Variants in IL1RAPL2 observed in about 807,000 individuals in gnomAD.
IL1RAPL2 encodes the protein interleukin 1 receptor accessory protein like 2.
Under a neutral mutation model 44.1 loss-of-function variants are expected in IL1RAPL2, and 3 were observed. That is an observed-to-expected ratio of 0.07 (90% CI 0.03 to 0.18). The LOEUF is 0.18. Among genes scored for constraint, IL1RAPL2 ranks in the 10% least tolerant of loss-of-function variants. The pLI, the probability that IL1RAPL2 is intolerant of heterozygous loss-of-function variation, is 1.00. For synonymous variants in IL1RAPL2, 181 were observed against 178.8 expected, an observed-to-expected ratio of 1.01 and a Z score of -0.10; for missense variants, 391 against 496.4, an observed-to-expected ratio of 0.79 and a Z score of 2.02.
chrX:104,567,749 A>G (rs1375407195), intron 1 of IL1RAPL2, among the ~76,000 whole-genome samples: 2 of 112,354 alleles, frequency 1.8e-5, no homozygotes, highest in Non-Finnish European at 3.8e-5. Flanking sequence ...AAGGAAAACT[A>G]GAGTGGGAGA....
intron 1 of IL1RAPL2, among the ~76,000 whole-genome samples, chrX:104,641,126 G>T (rs1460352780): frequency 3.6e-5 from 4 of 112,098 alleles, no homozygotes; most frequent in African/African-American, 9.7e-5. Flanking sequence ...GATGTTGGTA[G>T]TGGCTGTGGT....
At chrX:105,095,638 A>G (rs2032595663) in intron 2 of IL1RAPL2, among the ~76,000 whole-genome samples, 1 of 111,946 alleles carries the variant, frequency 8.9e-6, no homozygotes, top group Non-Finnish European at 1.9e-5. Flanking sequence ...ACAGCTGGAT[A>G]TCCACATGCA....
intron 5 of IL1RAPL2, among the ~76,000 whole-genome samples, chrX:105,471,728 C>G (rs1344002123): frequency 9.0e-6 from 1 of 111,098 alleles, no homozygotes; most frequent in Non-Finnish European, 1.9e-5. Flanking sequence ...AAGTAACTAG[C>G]CTTCATGTTA....
At chrX:105,200,696 G>A (rs1556145443) in intron 3 of IL1RAPL2, among the ~76,000 whole-genome samples, 1 of 111,847 alleles carries the variant, frequency 8.9e-6, no homozygotes, top group African/African-American at 3.3e-5. Context: ...TGGATCACAT[G>A]AGGCCAGGAG....
intron 5 of IL1RAPL2, among the ~76,000 whole-genome samples, chrX:105,340,231 A>G (rs1396497761): frequency 9.0e-6 from 1 of 111,182 alleles, no homozygotes; most frequent in Non-Finnish European, 1.9e-5. Flanking sequence ...TGCTCACACC[A>G]AAATTCTTGG....
At chrX:105,080,213 C>G (rs1318129255) in intron 2 of IL1RAPL2, among the ~76,000 whole-genome samples, 1 of 111,886 alleles carries the variant, frequency 8.9e-6, no homozygotes, top group Non-Finnish European at 1.9e-5. Flanking sequence ...TGCAGAAGCT[C>G]TTTAGTTTAA....
At chrX:105,093,194 A>AAC (rs748741070) in intron 2 of IL1RAPL2, among the ~76,000 whole-genome samples, 1,673 of 107,085 alleles carry the variant, frequency 0.016, 37 homozygotes, top group African/African-American at 0.049. Context: ...CACACACAGA[A>AAC]ACACACACAC....
At chrX:105,031,320 C>G (rs1337706070) in intron 2 of IL1RAPL2, among the ~76,000 whole-genome samples, 2 of 107,981 alleles carry the variant, frequency 1.9e-5, no homozygotes, top group East Asian at 5.9e-4. Context: ...CTGTCTTGTG[C>G]CAGTTTTCAA....
At chrX:104,661,774 A>G (rs1930405800) in intron 2 of IL1RAPL2, among the ~76,000 whole-genome samples, 2 of 111,953 alleles carry the variant, frequency 1.8e-5, no homozygotes. Context: ...TTGCCAATCA[A>G]AGAGATCCAG....
intron 2 of IL1RAPL2, among the ~76,000 whole-genome samples, chrX:105,040,489 T>C (rs780950672): frequency 2.4e-4 from 26 of 110,509 alleles, no homozygotes; most frequent in Admixed American, 4.8e-4. Context: ...TGGTAGAATT[T>C]GGCTGTGAAT....
At chrX:105,757,206 T>C (rs1017754587) in intron 10 of IL1RAPL2, among the ~76,000 whole-genome samples, 17 of 112,026 alleles carry the variant, frequency 1.5e-4, no homozygotes, top group South Asian at 1.1e-3. Context: ...GTCCCTGTAA[T>C]GCATTTGTTC....
chrX:104,993,512 A>G (rs748192929), intron 2 of IL1RAPL2, among the ~76,000 whole-genome samples: 41 of 111,873 alleles, frequency 3.7e-4, no homozygotes, highest in Non-Finnish European at 6.8e-4. Flanking sequence ...TTTGTTTACT[A>G]TTAAGCTCAG....
chrX:105,327,990 C>T (rs1036085853), intron 5 of IL1RAPL2, among the ~76,000 whole-genome samples: 2 of 111,718 alleles, frequency 1.8e-5, no homozygotes, highest in African/African-American at 6.5e-5. Flanking sequence ...ATGATCCCCA[C>T]GCTATCATGT....
rs183160490 is a variant in IL1RAPL2, at chrX:105,569,788, C to A, written c.772+85401C>A. On this transcript the variant is annotated intron_variant, in intron 6 of 10. Transcript: ENST00000372582. ...AGATACACTCTTTCTATGGGAACAA[C>A]CAGTATATTATCATTTAAGTATGTC... 2.2e-3 allele frequency among the ~76,000 whole-genome samples: 248 copies of A among 111,389 alleles called. 1 individual carries two copies. Among genetic ancestry groups the A allele is most frequent in the Admixed American group, 1.9e-3 (20 of 10,438 alleles).
intron 5 of IL1RAPL2, among the ~76,000 whole-genome samples, chrX:105,302,180 T>C (rs1403387364): frequency 1.8e-5 from 2 of 112,241 alleles, no homozygotes; most frequent in Non-Finnish European, 3.8e-5. Context: ...AAATGTCTGT[T>C]GAGATCTTTT....
chrX:105,562,579 A>C (rs1238524110), intron 6 of IL1RAPL2, among the ~76,000 whole-genome samples: 1 of 108,456 alleles, frequency 9.2e-6, no homozygotes, highest in Non-Finnish European at 1.9e-5. Context: ...GGAATGTCTT[A>C]GGGAACTTAA....
intron 6 of IL1RAPL2, among the ~76,000 whole-genome samples, chrX:105,711,716 T>C (rs1296158781): frequency 9.0e-6 from 1 of 111,656 alleles, no homozygotes; most frequent in Non-Finnish European, 1.9e-5. Flanking sequence ...TGATGCATCC[T>C]GGGGCAAATT....
chrX:104,581,159 A>G, intron 1 of IL1RAPL2, among the ~76,000 whole-genome samples: 1 of 112,275 alleles, frequency 8.9e-6, no homozygotes, highest in Non-Finnish European at 1.9e-5. Flanking sequence ...TCGATTTTCA[A>G]TTAGTCTCAA....
chrX:105,271,650 A>G (rs1335092429), intron 5 of IL1RAPL2, among the ~76,000 whole-genome samples: 1 of 110,835 alleles, frequency 9.0e-6, no homozygotes, highest in East Asian at 2.9e-4. Flanking sequence ...TTTTCACGAT[A>G]TTGATTCTTC....
Sources: gnomAD v4.1 joint callset for allele counts (sites outside exome capture counted in the v4.1 genomes callset) on GRCh38, gnomAD v4.1.1 for gene constraint, MANE v1.5 for transcripts, NCBI Gene and HGNC (gene_info 2026-07-23, HGNC 2026-07-21) for gene names.